SLC9A8: variants seen among roughly 807,000 people sequenced by gnomAD.
SLC9A8 encodes the protein sodium/hydrogen exchanger 8.
A neutral mutation model predicts 66.6 loss-of-function variants in SLC9A8; 48 were observed. The observed-to-expected ratio is 0.72, with a 90% CI of 0.57 to 0.92. SLC9A8 has a LOEUF of 0.92. SLC9A8 is among the 40% of genes least tolerant of loss of function. The probability of loss-of-function intolerance (pLI) is 0.00; values close to 1 mark genes in which losing one functional copy is unlikely to be tolerated. For missense variants in SLC9A8, 599 were observed against 747.3 expected, an observed-to-expected ratio of 0.80 and a Z score of 2.31; for synonymous variants, 274 against 282.6, an observed-to-expected ratio of 0.97 and a Z score of 0.31.
At chr20:49,829,481 C>G (rs1200531967) in intron 3 of SLC9A8, 3 of 232,884 alleles carry the variant, frequency 1.3e-5, no homozygotes, top group Non-Finnish European at 2.5e-5. Context: ...CGAGATCGCA[C>G]CACTGCACTC....
chr20:49,824,887 C>G (rs1294133221), intron 3 of SLC9A8, among the ~76,000 whole-genome samples: 1 of 152,030 alleles, frequency 6.6e-6, no homozygotes, highest in African/African-American at 2.4e-5. Context: ...AGTGTGAAAC[C>G]CAGTTCTGGC....
rs556593109 is a variant in SLC9A8, at chr20:49,890,274, T to G, written c.*2338T>G. On this transcript the variant is annotated 3_prime_UTR_variant, in exon 16 of 16. Transcript: ENST00000361573. Reference sequence around the variant, plus strand: ...AACAAAAGGCCATAGAAGTCTGTTTTTCTGGGTCAGTTTTTTTTGCCTGAG... The same window carrying G: ...AACAAAAGGCCATAGAAGTCTGTTTGTCTGGGTCAGTTTTTTTTGCCTGAG... The G allele has an allele frequency of 1.9e-4, 29 of 152,366 alleles. No individual in the cohort carries two copies. Among genetic ancestry groups the G allele is most frequent in the African/African-American group, 7.0e-4 (29 of 41,582 alleles). 9.4% of individuals were successfully genotyped at this position (152,366 alleles called of 1,614,324 possible). A position where few individuals can be genotyped will look rare whatever the true frequency, so the allele number is the denominator to read the frequency against.
intron 4 of SLC9A8, among the ~76,000 whole-genome samples, chr20:49,842,939 C>G (rs948473074): frequency 6.6e-6 from 1 of 152,178 alleles, no homozygotes; most frequent in Non-Finnish European, 1.5e-5. Context: ...TCACTCCTGT[C>G]TTTGTCTCTG....
At chr20:49,825,659 A>C (rs1004532239) in intron 3 of SLC9A8, among the ~76,000 whole-genome samples, 81 of 152,182 alleles carry the variant, frequency 5.3e-4, no homozygotes, top group African/African-American at 1.5e-3. Context: ...AACAAACAAA[A>C]AAAATTGGTG....
rs2089983325 is a variant in SLC9A8 at position 49,888,998 on chromosome 20, C to G, written c.*1062C>G. The G allele has an allele frequency of 6.6e-6, 1 of 152,358 alleles. No individual in the cohort carries two copies. The highest frequency in any genetic ancestry group is 1.5e-5 in the Non-Finnish European group (1 of 68,170). 9.4% of individuals were successfully genotyped at this position (152,358 alleles called of 1,614,324 possible). ...GGGGCAGGGGCCAGAGCAGCAGCAC[C>G]CAGTGCTCCCTCCTCTACTCTGACC... On this transcript the variant is annotated 3_prime_UTR_variant, in exon 16 of 16. Transcript: ENST00000361573.
rs61734269 is a variant in SLC9A8 at position 49,812,948 on chromosome 20, A to G, written c.26A>G (p.Glu9Gly). 55 of 1,445,812 alleles carry G rather than the reference A, an allele frequency of 3.8e-5. No homozygotes were observed. Among genetic ancestry groups the G allele is most frequent in the Admixed American group, 8.5e-5 (3 of 35,414 alleles). The allele number at this position is 1,445,812 out of a possible 1,614,324, so 89.6% of individuals were successfully genotyped here. A position where few individuals can be genotyped will look rare whatever the true frequency, so the allele number is the denominator to read the frequency against. Residue 9 changes from glutamate (E) to glycine (G), a missense_variant and splice_region_variant, in exon 1 of 16, where the codon GAG becomes GGG. Transcript: ENST00000361573. MGEKMAEE[E>G]RFPNTTHEGF... is the part of the protein sequence containing the mutation. ...ATGGGGGAGAAGATGGCGGAAGAGG[A>G]GTGAGTGGGCTTTTTCCCGGGCGGC...
intron 3 of SLC9A8, chr20:49,830,070 C>G: frequency 1.4e-6 from 1 of 721,316 alleles, no homozygotes; most frequent in Middle Eastern, 2.5e-4. Flanking sequence ...GTTAAAGATG[C>G]AGATCCTCAT....
intron 2 of SLC9A8, among the ~76,000 whole-genome samples, chr20:49,815,912 A>G (rs2086532658): frequency 6.6e-6 from 1 of 152,106 alleles, no homozygotes; most frequent in Non-Finnish European, 1.5e-5. Flanking sequence ...TCAGAGCAGC[A>G]TTTTGTGTTC....
chr20:49,886,735 C>G lies in SLC9A8; in HGVS notation c.1492-17C>G. On this transcript the variant is annotated splice_polypyrimidine_tract_variant and intron_variant, in intron 14 of 15. Transcript: ENST00000361573. The surrounding 1 kb of genome is among the most constrained non-coding windows in gnomAD (Gnocchi z 4.8). ...TGCCAGCTGGTGGCCGTCGGGCCGCCTTTCCTCCCTGCTCAGGGCAACACT... is the reference window on the plus strand; with the variant it reads ...TGCCAGCTGGTGGCCGTCGGGCCGCGTTTCCTCCCTGCTCAGGGCAACACT... The G allele has an allele frequency of 6.2e-7, 1 of 1,606,776 alleles. No individual in the cohort carries two copies. Among genetic ancestry groups the G allele is most frequent in the Middle Eastern group, 1.7e-4 (1 of 6,014 alleles).
At chr20:49,825,917 T>C (rs1266958915) in intron 3 of SLC9A8, among the ~76,000 whole-genome samples, 2 of 152,212 alleles carry the variant, frequency 1.3e-5, no homozygotes, top group Non-Finnish European at 2.9e-5. Flanking sequence ...CCTCCTCTTC[T>C]TTCTGGCACC....
intron 6 of SLC9A8, 78 bp from the exon 7 acceptor site, chr20:49,850,732 A>G: frequency 6.3e-7 from 1 of 1,574,830 alleles, no homozygotes; most frequent in Non-Finnish European, 8.6e-7. Context: ...TAAAGCACTA[A>G]TGGACATTTA....
intron 2 of SLC9A8, among the ~76,000 whole-genome samples, chr20:49,819,124 A>C (rs1052700462): frequency 3.3e-5 from 5 of 152,254 alleles, no homozygotes. Context: ...TTGACTCCAC[A>C]AGAAAAAATG....
Position 49,855,501 on chromosome 20 carries a change from A to AT in SLC9A8, c.633_634insT (p.Leu212SerfsTer30). On this transcript the variant is annotated frameshift_variant, in exon 8 of 16. Coordinates refer to ENST00000361573, the MANE Select transcript of SLC9A8 (RefSeq NM_015266.3). LOFTEE classifies it high-confidence loss of function. ...TGGCCACTATTGCCATTTTCAATGCACTTCATGTGGACCCCGTGCTCAACA... is the reference window on the plus strand; with the variant it reads ...TGGCCACTATTGCCATTTTCAATGCATCTTCATGTGGACCCCGTGCTCAACA... 1.9e-6 allele frequency: 3 copies of AT among 1,614,120 alleles called. No individual in the cohort carries two copies. Among genetic ancestry groups the AT allele is most frequent in the Non-Finnish European group, 2.5e-6 (3 of 1,179,988 alleles).
chr20:49,834,139 G>GTCTCTCTCTC lies in SLC9A8; in HGVS notation c.290-5364_290-5355dup, dbSNP rs71335517. On this transcript the variant is annotated intron_variant, in intron 3 of 15. Coordinates refer to ENST00000361573, the MANE Select transcript of SLC9A8 (RefSeq NM_015266.3). ...TGGTGCACGCTTGTAATATTAGCTT[G>GTCTCTCTCTC]TCTCTCTCTCTCTCTCTCTCTCTCT... Among the ~76,000 whole-genome samples the GTCTCTCTCTC allele has an allele frequency of 4.2e-3, 272 of 65,382 alleles. 1 individual carries two copies. The highest frequency in any genetic ancestry group is 8.2e-3 in the African/African-American group (107 of 13,044). The allele number at this position is 65,382 out of a possible 152,430, so 42.9% of individuals were successfully genotyped here.
chr20:49,842,124 C>T (rs11907888), intron 4 of SLC9A8, among the ~76,000 whole-genome samples: 21,563 of 150,830 alleles, frequency 0.14, 2,650 homozygotes, highest in African/African-American at 0.34. Context: ...GGCTGGAGTG[C>T]AATGGCGTGG....
intron 3 of SLC9A8, among the ~76,000 whole-genome samples, chr20:49,827,205 G>A (rs2086946252): frequency 1.3e-5 from 2 of 151,476 alleles, no homozygotes; most frequent in Admixed American, 1.3e-4. Context: ...GCTTCCCAAA[G>A]TGCTGGGATT....
At chr20:49,815,332 G>C in intron 2 of SLC9A8, 143 bp downstream of exon 2, 2 of 533,160 alleles carry the variant, frequency 3.8e-6, no homozygotes, top group South Asian at 8.8e-5. Flanking sequence ...AACATGATCA[G>C]TTTATAACAT....
intron 4 of SLC9A8, among the ~76,000 whole-genome samples, chr20:49,843,726 C>T (rs1257579269): frequency 4.6e-5 from 7 of 152,112 alleles, no homozygotes; most frequent in African/African-American, 9.7e-5. Flanking sequence ...AAACACCTTT[C>T]GTAGTGGCAC....
intron 2 of SLC9A8, among the ~76,000 whole-genome samples, chr20:49,816,379 C>T (rs556907757): frequency 2.6e-5 from 4 of 151,640 alleles, no homozygotes; most frequent in South Asian, 4.2e-4. Flanking sequence ...AAGATCGTGC[C>T]ACTGTACTGT....
Sources: allele counts gnomAD v4.1 joint callset (sites outside exome capture counted in the v4.1 genomes callset), GRCh38; gene constraint gnomAD v4.1.1; non-coding constraint Gnocchi (gnomAD v3.1); transcripts MANE v1.5; gene names NCBI Gene and HGNC (gene_info 2026-07-23, HGNC 2026-07-21).